Variants in RP1L1 observed in about 807,000 individuals in gnomAD.
The protein encoded by RP1L1 is RP1 like 1.
In RP1L1, 27 loss-of-function variants were observed where a neutral mutation model predicts 15.7. The observed-to-expected ratio is 1.72, with a 90% confidence interval of 1.27 to 2.38. The LOEUF is 2.38. Among genes scored for constraint, RP1L1 ranks in the 30% most tolerant of loss-of-function variants. The probability of loss-of-function intolerance (pLI) is 0.00; values close to 1 mark genes in which losing one functional copy is unlikely to be tolerated. For synonymous variants in RP1L1, 1,813 were observed against 1,276.7 expected (o/e 1.42, Z -8.96); for missense variants, 4,798 against 3,075.9 (o/e 1.56, Z -13.24).
At chr8:10,641,533 G>A (rs567009381) in intron 1 of RP1L1, among the ~76,000 whole-genome samples, 23 of 152,298 alleles carry the variant, frequency 1.5e-4, no homozygotes, top group Admixed American at 1.2e-3. Context: ...AAACACACCA[G>A]AATTTTTACA....
chr8:10,642,549 T>G (rs756575560), intron 1 of RP1L1, among the ~76,000 whole-genome samples: 2 of 152,226 alleles, frequency 1.3e-5, no homozygotes, highest in Non-Finnish European at 2.9e-5. Flanking sequence ...CAGATGCCAA[T>G]GATCACAGAG....
At chr8:10,627,880 T>G (rs1376705171) in intron 1 of RP1L1, among the ~76,000 whole-genome samples, 1 of 152,050 alleles carries the variant, frequency 6.6e-6, no homozygotes, top group East Asian at 1.9e-4. Context: ...TCCACAAGGG[T>G]AGTTAGTACT....
At position 10,606,950 on chromosome 8, in the gene RP1L1, G is replaced by A; in HGVS notation, c.7148C>T (p.Pro2383Leu). 2 of 1,614,218 alleles carry A rather than the reference G, an allele frequency of 1.2e-6. No individual in the cohort carries two copies. The highest frequency in any genetic ancestry group is 3.3e-4 in the Middle Eastern group (2 of 6,062). The change falls in exon 4 of 4, where the codon CCC (proline) becomes CTC (leucine). Residue 2383 changes from proline (P) to leucine (L), a missense_variant. Physicochemically the swap from Pro to Leu is moderately conservative, Grantham distance 98 (BLOSUM62 -3). Transcript: ENST00000382483. ...GTCTGCCCTGCCCACTGCCTCAGTG[G>A]GGGCGAGACTTCCGAGTGCCTGGTC... ...QEDQALGSLA[P>L]TEAVGRADGF...
At position 10,608,740 on chromosome 8, in the gene RP1L1, C is replaced by G; in HGVS notation, c.5358G>C (p.Glu1786Asp). The change falls in exon 4 of 4, where the codon GAG (glutamate) becomes GAC (aspartate). Residue 1786 changes from glutamate to aspartate, a missense_variant. Coordinates refer to ENST00000382483, the MANE Select transcript of RP1L1 (RefSeq NM_178857.6). Reference sequence around the variant, plus strand: ...CTCCCTCCTGCTCAGCTTCCCCCAACTCACTGCCCGCACTGGTTTCACTGT... The same window carrying G: ...CTCCCTCCTGCTCAGCTTCCCCCAAGTCACTGCCCGCACTGGTTTCACTGT... ...THNSETSAGS[E>D]LGEAEQEGEG... 2 of 1,614,266 alleles carry G rather than the reference C, an allele frequency of 1.2e-6. No homozygotes were observed. Among genetic ancestry groups the G allele is most frequent in the Non-Finnish European group, 1.7e-6 (2 of 1,180,054 alleles).
rs765627459 is a variant in RP1L1 at position 10,613,230 on chromosome 8, C to G, written c.868G>C (p.Gly290Arg). 3 of 1,613,052 alleles carry G rather than the reference C, an allele frequency of 1.9e-6. No homozygotes were observed. The highest frequency in any genetic ancestry group is 2.5e-6 in the Non-Finnish European group (3 of 1,180,032). The change falls in exon 4 of 4, where the codon GGC (glycine) becomes CGC (arginine). Residue 290 changes from glycine (G) to arginine (R), a missense_variant. By Grantham distance (125) the Gly-to-Arg change is moderately radical. Coordinates refer to ENST00000382483, the MANE Select transcript of RP1L1 (RefSeq NM_178857.6). ...GCTGGCGTGTCCTGAGGGTGCCTGC[C>G]AGGAGCAGGGCCCACCGGGGGGTTG... is the stretch of plus-strand genomic sequence containing the variant. ...PSNPPVGPAP[G>R]RHPQDTPAQS...
At chr8:10,625,282 G>T (rs1432078087) in intron 1 of RP1L1, among the ~76,000 whole-genome samples, 3 of 152,128 alleles carry the variant, frequency 2.0e-5, no homozygotes, top group Non-Finnish European at 4.4e-5. Flanking sequence ...ACCATCTCAG[G>T]AATCAGGCCA....
Position 10,608,656 on chromosome 8 carries a change from C to A in RP1L1, c.5442G>T (p.Leu1814Phe). 3 of 1,614,204 alleles carry A rather than the reference C, an allele frequency of 1.9e-6. 1 individual carries two copies. The highest frequency in any genetic ancestry group is 2.5e-6 in the Non-Finnish European group (3 of 1,180,040). Residue 1814 changes from leucine to phenylalanine, a missense_variant, in exon 4 of 4, where the codon TTG becomes TTT. By Grantham distance (22) the Leu-to-Phe change is conservative (BLOSUM62 0). Transcript: ENST00000382483. The part of the protein sequence containing the change: ...GGQGSGHEDN[L>F]QGEAAAGGDQ... ...CACCTCCTGCCGCAGCTTCACCCTG[C>A]AAGTTGTCCTCATGCCCAGAGCCTT...
Position 10,610,528 on chromosome 8 carries a change from C to T in RP1L1, c.3570G>A (p.Thr1190=), listed in dbSNP as rs775566624. 8.7e-6 allele frequency: 14 copies of T among 1,613,586 alleles called. No individual in the cohort carries two copies. In the East Asian group the frequency reaches 8.9e-5, roughly 10 times the overall value. ...ALPDLGSHAM[T]ENFTPTSSSG... ...AGGAGGATGTGGGCGTGAAGTTCTCCGTCATGGCATGGGACCCAAGGTCTG... is the reference window on the plus strand; with the variant it reads ...AGGAGGATGTGGGCGTGAAGTTCTCTGTCATGGCATGGGACCCAAGGTCTG... The change falls in exon 4 of 4, where the codon ACG becomes ACA. Residue 1190 remains threonine (T), a synonymous_variant. Coordinates refer to ENST00000382483, the MANE Select transcript of RP1L1 (RefSeq NM_178857.6).
intron 1 of RP1L1, among the ~76,000 whole-genome samples, chr8:10,633,917 C>T (rs572031107): frequency 2.0e-5 from 3 of 152,156 alleles, no homozygotes; most frequent in South Asian, 2.1e-4. Flanking sequence ...GATTGACCGA[C>T]GTGAGGGGAA....
intron 1 of RP1L1, among the ~76,000 whole-genome samples, chr8:10,631,703 C>T (rs1798255192): frequency 6.6e-6 from 1 of 152,158 alleles, no homozygotes; most frequent in Non-Finnish European, 1.5e-5. Flanking sequence ...AGACCGCAAG[C>T]GCTGGGTTCT....
chr8:10,631,539 A>T (rs1798252662), intron 1 of RP1L1, among the ~76,000 whole-genome samples: 1 of 152,218 alleles, frequency 6.6e-6, no homozygotes, highest in Non-Finnish European at 1.5e-5. Context: ...ACACATAAAC[A>T]TTATCTCAAC....
intron 1 of RP1L1, among the ~76,000 whole-genome samples, chr8:10,630,514 A>G (rs1798225063): frequency 6.6e-6 from 1 of 152,204 alleles, no homozygotes; most frequent in South Asian, 2.1e-4. Flanking sequence ...GTTGAAAGAA[A>G]ATGTCAAGAC....
chr8:10,625,850 C>G (rs1295467794), intron 1 of RP1L1, among the ~76,000 whole-genome samples: 1 of 152,010 alleles, frequency 6.6e-6, no homozygotes, highest in Non-Finnish European at 1.5e-5. Context: ...ACCCCAGGGT[C>G]CACTTGTACC....
At chr8:10,638,897 C>A (rs996145147) in intron 1 of RP1L1, among the ~76,000 whole-genome samples, 5 of 152,148 alleles carry the variant, frequency 3.3e-5, no homozygotes, top group Admixed American at 2.6e-4. Flanking sequence ...GTAATCCCAG[C>A]ACTTTGGGCG....
chr8:10,644,955 A>G (rs1297239912), intron 1 of RP1L1, among the ~76,000 whole-genome samples: 1 of 152,182 alleles, frequency 6.6e-6, no homozygotes, highest in Non-Finnish European at 1.5e-5. Flanking sequence ...AGTTTGACTG[A>G]TTTTTAGCAC....
At chr8:10,631,965 C>G (rs1798259862) in intron 1 of RP1L1, among the ~76,000 whole-genome samples, 1 of 152,220 alleles carries the variant, frequency 6.6e-6, no homozygotes, top group Non-Finnish European at 1.5e-5. Context: ...GCGGTGGCCC[C>G]AGGAACAGAG....
chr8:10,608,810 G>C lies in RP1L1; in HGVS notation c.5288C>G (p.Ala1763Gly). 2 of 1,614,020 alleles carry C rather than the reference G, an allele frequency of 1.2e-6. No individual in the cohort carries two copies. The highest frequency in any genetic ancestry group is 1.7e-6 in the Non-Finnish European group (2 of 1,180,042). ...NRDKDPKLGEAEGDAMAQERE... is the reference protein window; with the variant it reads ...NRDKDPKLGEGEGDAMAQERE... Reference sequence around the variant, plus strand: ...CTCCTGAGCCATTGCATCTCCCTCTGCCTCCCCGAGTTTGGGATCTTTGTC... The same window carrying C: ...CTCCTGAGCCATTGCATCTCCCTCTCCCTCCCCGAGTTTGGGATCTTTGTC... Residue 1763 changes from alanine to glycine, a missense_variant, in exon 4 of 4, where the codon GCA (alanine) becomes GGA (glycine). Physicochemically the swap from Ala to Gly is moderately conservative, Grantham distance 60. Coordinates refer to ENST00000382483, the MANE Select transcript of RP1L1 (RefSeq NM_178857.6).
chr8:10,630,496 A>G (rs1585988267), intron 1 of RP1L1, among the ~76,000 whole-genome samples: 1 of 152,338 alleles, frequency 6.6e-6, no homozygotes, highest in East Asian at 1.9e-4. Context: ...GAGAGTTGTC[A>G]AGGACAGGTT....
chr8:10,629,357 A>T (rs905902728), intron 1 of RP1L1, among the ~76,000 whole-genome samples: 2 of 152,210 alleles, frequency 1.3e-5, no homozygotes, highest in African/African-American at 4.8e-5. Context: ...GGAGCCAATG[A>T]ATAGTCACAG....
Sources: allele counts gnomAD v4.1 joint callset (sites outside exome capture counted in the v4.1 genomes callset), GRCh38; gene constraint gnomAD v4.1.1; transcripts MANE v1.5; gene names NCBI Gene and HGNC (gene_info 2026-07-23, HGNC 2026-07-21).